The following GPC4 variants were observed in gnomAD, a reference collection of about 807,000 sequenced individuals.
The protein encoded by GPC4 is glypican-4.
In GPC4, 10 loss-of-function variants were observed where a neutral mutation model predicts 35.0. That is an observed-to-expected ratio of 0.29 (90% CI 0.18 to 0.48). The LOEUF (loss-of-function observed/expected upper bound fraction) is 0.48. Ranked by LOEUF, GPC4 falls within the 20% of genes least tolerant of loss-of-function variation. The probability of loss-of-function intolerance (pLI) is 0.99; values close to 1 mark genes in which losing one functional copy is unlikely to be tolerated. For synonymous variants in GPC4, 167 were observed against 170.2 expected, an observed-to-expected ratio of 0.98 and a Z score of 0.15; for missense variants, 322 against 451.3, an observed-to-expected ratio of 0.71 and a Z score of 2.60.
intron 1 of GPC4, among the ~76,000 whole-genome samples, chrX:133,407,549 GATCA>G (rs1302030968): frequency 8.9e-6 from 1 of 111,829 alleles, no homozygotes; most frequent in Non-Finnish European, 1.9e-5. Flanking sequence ...AATCCCGAGA[GATCA>G]ATCAGGCATG....
rs557359106 is a variant in GPC4, at chrX:133,327,636, AGTGTGTGTGTGT to A, written c.320-3112_320-3101del. On this transcript the variant is annotated intron_variant, in intron 2 of 8. Coordinates refer to ENST00000370828, the MANE Select transcript of GPC4 (RefSeq NM_001448.3). ...CCATGACTCACATTCTGTCCAGGAA[AGTGTGTGTGTGT>A]GTGTGTGTGTGTGTGTGTGTGTGTG... 5.7e-3 allele frequency among the ~76,000 whole-genome samples: 478 copies of A among 83,253 alleles called. 2 individuals carry two copies. Among genetic ancestry groups the A allele is most frequent in the African/African-American group, 0.015 (340 of 22,655 alleles). 72.3% of individuals were successfully genotyped at this position (83,253 alleles called of 115,157 possible). A position where few individuals can be genotyped will look rare whatever the true frequency, so the allele number is the denominator to read the frequency against.
intron 1 of GPC4, among the ~76,000 whole-genome samples, chrX:133,395,427 A>C (rs2068738394): frequency 9.1e-6 from 1 of 110,302 alleles, no homozygotes; most frequent in Non-Finnish European, 1.9e-5. Flanking sequence ...GTTCAAGACC[A>C]GCCTGACCAA....
chrX:133,388,951 CCT>C (rs2068706225), intron 1 of GPC4, among the ~76,000 whole-genome samples: 1 of 66,285 alleles, frequency 1.5e-5, no homozygotes. Flanking sequence ...CTACCCATAG[CCT>C]TTTTTTTTTT....
intron 2 of GPC4, among the ~76,000 whole-genome samples, chrX:133,334,330 T>A (rs6634926): frequency 1.9e-4 from 21 of 112,286 alleles, no homozygotes; most frequent in African/African-American, 6.8e-4. Flanking sequence ...CTGCTTGGTT[T>A]ACACTTGGCC....
At chrX:133,405,297 C>T (rs1038655441) in intron 1 of GPC4, among the ~76,000 whole-genome samples, 27 of 110,378 alleles carry the variant, frequency 2.4e-4, no homozygotes, top group African/African-American at 8.9e-4. Context: ...TTAGTAGAGA[C>T]GGGGTTTCTC....
At chrX:133,377,916 T>TTTTTTTTTTTTTTGAGA (rs2068642796) in intron 1 of GPC4, among the ~76,000 whole-genome samples, 1 of 82,233 alleles carries the variant, frequency 1.2e-5, no homozygotes, top group Non-Finnish European at 2.3e-5. Context: ...TGCTTTTGAT[T>TTTTTTTTTTTTTTGAGA]CAGGCTCTCG....
intron 4 of GPC4, among the ~76,000 whole-genome samples, chrX:133,309,671 AAT>A (rs1473216501): frequency 8.9e-6 from 1 of 112,351 alleles, no homozygotes; most frequent in Admixed American, 9.4e-5. Context: ...AGAAACAGTG[AAT>A]TATAGGGGCA....
At chrX:133,316,777 C>T (rs1438412779) in intron 3 of GPC4, among the ~76,000 whole-genome samples, 1 of 111,416 alleles carries the variant, frequency 9.0e-6, no homozygotes, top group Non-Finnish European at 1.9e-5. Flanking sequence ...ACTCATCAGT[C>T]CCTGCTCACA....
At chrX:133,361,250 AT>A (rs1471264959) in intron 1 of GPC4, among the ~76,000 whole-genome samples, 2 of 111,550 alleles carry the variant, frequency 1.8e-5, no homozygotes, top group African/African-American at 6.5e-5. Context: ...AAGAACATTC[AT>A]TTTTCTTCTA....
intron 3 of GPC4, among the ~76,000 whole-genome samples, chrX:133,323,709 A>C (rs1362165787): frequency 3.6e-5 from 4 of 112,299 alleles, no homozygotes. Context: ...ACATATGCTC[A>C]CAGAGATTAA....
intron 1 of GPC4, among the ~76,000 whole-genome samples, chrX:133,391,821 G>GA (rs1236024259): frequency 4.5e-5 from 5 of 111,712 alleles, no homozygotes; most frequent in African/African-American, 1.3e-4. Flanking sequence ...GGTACAGAAA[G>GA]AAGACTTAAA....
chrX:133,393,536 C>T (rs969813858), intron 1 of GPC4, among the ~76,000 whole-genome samples: 1 of 109,813 alleles, frequency 9.1e-6, no homozygotes, highest in Non-Finnish European at 1.9e-5. Flanking sequence ...AGAACTAATG[C>T]CCTGGGTTCA....
chrX:133,377,117 C>T (rs961483518), intron 1 of GPC4, among the ~76,000 whole-genome samples: 5 of 111,739 alleles, frequency 4.5e-5, no homozygotes, highest in African/African-American at 1.6e-4. Context: ...TCGAGACCCT[C>T]GGGATGGGAG....
chrX:133,372,289 A>T (rs1340669575), intron 1 of GPC4, among the ~76,000 whole-genome samples: 1 of 108,340 alleles, frequency 9.2e-6, no homozygotes, highest in East Asian at 2.9e-4. Flanking sequence ...AACTTTCCAA[A>T]GGTATTTCTG....
rs773537289 is a variant in GPC4, at chrX:133,415,368, G to A, written c.-403C>T. The A allele has an allele frequency of 1.9e-5, 3 of 161,000 alleles. No individual in the cohort carries two copies. The highest frequency in any genetic ancestry group is 3.1e-4 in the South Asian group (2 of 6,525). 13.3% of individuals were successfully genotyped at this position (161,000 alleles called of 1,213,427 possible). A position where few individuals can be genotyped will look rare whatever the true frequency, so the allele number is the denominator to read the frequency against. On this transcript the variant is annotated 5_prime_UTR_variant, in exon 1 of 9. Coordinates refer to ENST00000370828, the MANE Select transcript of GPC4 (RefSeq NM_001448.3). ...CCGCAGAGGGTGTGGGCGGCGGCGG[G>A]CGTTCGCTGCGCGCTGCTTGGGCTG...
At chrX:133,318,591 C>G (rs1185347186) in intron 3 of GPC4, among the ~76,000 whole-genome samples, 3 of 111,650 alleles carry the variant, frequency 2.7e-5, no homozygotes, top group African/African-American at 9.8e-5. Flanking sequence ...AGACATAGTC[C>G]CATTATGTCA....
intron 1 of GPC4, among the ~76,000 whole-genome samples, chrX:133,360,039 G>C (rs904085474): frequency 8.1e-5 from 9 of 110,768 alleles, no homozygotes; most frequent in Non-Finnish European, 1.7e-4. Flanking sequence ...CTATGCTGGG[G>C]GGGGAGAGAA....
chrX:133,349,187 G>C (rs781230297), intron 1 of GPC4, among the ~76,000 whole-genome samples: 1 of 111,948 alleles, frequency 8.9e-6, no homozygotes, highest in South Asian at 3.8e-4. Context: ...AGGGCTAGCC[G>C]CCAGCACTTT....
At chrX:133,399,294 G>C (rs759816122) in intron 1 of GPC4, among the ~76,000 whole-genome samples, 2 of 111,222 alleles carry the variant, frequency 1.8e-5, no homozygotes, top group Admixed American at 1.9e-4. Flanking sequence ...GAAAACAACA[G>C]TGCAAAGTGA....
Sources: gnomAD v4.1 joint callset for allele counts (sites outside exome capture counted in the v4.1 genomes callset) on GRCh38, gnomAD v4.1.1 for gene constraint, MANE v1.5 for transcripts, NCBI Gene and HGNC (gene_info 2026-07-23, HGNC 2026-07-21) for gene names.